PLXDC2: variants seen among roughly 807,000 people sequenced by gnomAD.
PLXDC2 encodes the protein plexin domain-containing protein 2.
In PLXDC2, 40 loss-of-function variants were observed where a neutral mutation model predicts 68.9. The ratio of observed to expected loss-of-function variants is 0.58; its 90% CI spans 0.45 to 0.76. PLXDC2 has a LOEUF of 0.76. Among genes scored for constraint, PLXDC2 ranks in the 30% least tolerant of loss-of-function variants. The probability of loss-of-function intolerance (pLI) is 0.00; values close to 1 mark genes in which losing one functional copy is unlikely to be tolerated. For missense variants in PLXDC2, 644 were observed against 661.9 expected (o/e 0.97, Z 0.30); for synonymous variants, 243 against 234.2 (o/e 1.04, Z -0.34).
At chr10:19,919,482 A>G (rs1833423237) in intron 1 of PLXDC2, among the ~76,000 whole-genome samples, 1 of 152,226 alleles carries the variant, frequency 6.6e-6, no homozygotes, top group Admixed American at 6.5e-5. Context: ...AATAACAGTG[A>G]CTATAATTAA....
chr10:20,165,993 G>C (rs1834369449), intron 7 of PLXDC2, among the ~76,000 whole-genome samples: 1 of 151,888 alleles, frequency 6.6e-6, no homozygotes, highest in African/African-American at 2.4e-5. Flanking sequence ...TAAAGAAAGG[G>C]GAGATAATAA....
intron 13 of PLXDC2, among the ~76,000 whole-genome samples, chr10:20,271,522 C>T (rs1382510343): frequency 6.6e-6 from 1 of 152,124 alleles, no homozygotes; most frequent in East Asian, 1.9e-4. Context: ...GAGTGTGATT[C>T]TTTGACACTG....
chr10:19,962,819 C>T (rs67734661), intron 1 of PLXDC2, among the ~76,000 whole-genome samples: 117,000 of 148,378 alleles, frequency 0.79, 46,948 homozygotes, highest in East Asian at 0.95. Flanking sequence ...ACCCCGTCTC[C>T]ACTAAAAATA....
intron 1 of PLXDC2, among the ~76,000 whole-genome samples, chr10:19,857,973 G>A (rs953904697): frequency 6.6e-6 from 1 of 152,154 alleles, no homozygotes; most frequent in Admixed American, 6.6e-5. Context: ...GGACTTGCCT[G>A]TTGTTTGACT....
chr10:20,236,107 T>G (rs1331581905), intron 12 of PLXDC2, among the ~76,000 whole-genome samples: 2 of 152,206 alleles, frequency 1.3e-5, no homozygotes. Flanking sequence ...CCCTGTGGAT[T>G]CTTTGGTAGA....
At chr10:20,143,566 A>G (rs1195558608) in intron 5 of PLXDC2, 149 bp downstream of exon 5, 1 of 938,912 alleles carries the variant, frequency 1.1e-6, no homozygotes, top group African/African-American at 1.7e-5. Flanking sequence ...TATACTGCTA[A>G]GATTTATAAA....
chr10:20,255,507 A>G (rs55817037), intron 13 of PLXDC2, among the ~76,000 whole-genome samples: 35,398 of 152,038 alleles, frequency 0.23, 4,162 homozygotes, highest in African/African-American at 0.26. Flanking sequence ...ACAAATAATA[A>G]AAACTTTAAT....
chr10:20,086,511 G>A (rs1020728582), intron 4 of PLXDC2, among the ~76,000 whole-genome samples: 1 of 151,712 alleles, frequency 6.6e-6, no homozygotes, highest in Non-Finnish European at 1.5e-5. Flanking sequence ...TGTATTTTTA[G>A]GAAATAAGGG....
intron 13 of PLXDC2, among the ~76,000 whole-genome samples, chr10:20,267,632 C>T (rs1157145297): frequency 6.6e-6 from 1 of 152,004 alleles, no homozygotes; most frequent in African/African-American, 2.4e-5. Context: ...CTTTATTTCC[C>T]ACTCCTACAC....
chr10:19,966,446 A>AAAATAT (rs1241649225), intron 1 of PLXDC2, among the ~76,000 whole-genome samples: 17 of 62,774 alleles, frequency 2.7e-4, no homozygotes, highest in East Asian at 1.1e-3. Flanking sequence ...ATATATATAA[A>AAAATAT]ACATGTGTGT....
intron 1 of PLXDC2, among the ~76,000 whole-genome samples, chr10:19,903,790 C>T (rs1838198878): frequency 6.6e-6 from 1 of 150,668 alleles, no homozygotes; most frequent in Non-Finnish European, 1.5e-5. Flanking sequence ...TCTATTTGTG[C>T]TCTTTCAGAC....
At chr10:20,126,913 A>G (rs1833800445) in intron 4 of PLXDC2, among the ~76,000 whole-genome samples, 1 of 148,044 alleles carries the variant, frequency 6.8e-6, no homozygotes, top group African/African-American at 2.5e-5. Flanking sequence ...ATATATGTAT[A>G]TATTATGTAT....
At chr10:19,884,821 A>G (rs1187270305) in intron 1 of PLXDC2, among the ~76,000 whole-genome samples, 3 of 152,178 alleles carry the variant, frequency 2.0e-5, no homozygotes, top group South Asian at 2.1e-4. Flanking sequence ...ATATGTGTGC[A>G]TGTGTCTTTA....
At chr10:20,155,782 CA>C (rs1834208778) in intron 6 of PLXDC2, among the ~76,000 whole-genome samples, 1 of 152,072 alleles carries the variant, frequency 6.6e-6, no homozygotes, top group Non-Finnish European at 1.5e-5. Flanking sequence ...CTCCCTTGAT[CA>C]TGTTCTGATG....
intron 1 of PLXDC2, among the ~76,000 whole-genome samples, chr10:19,860,981 C>A (rs540846972): frequency 6.6e-6 from 1 of 151,422 alleles, no homozygotes; most frequent in Non-Finnish European, 1.5e-5. Context: ...TTAATTACTG[C>A]AGGACTCTTG....
At chr10:19,841,265 A>C (rs1056745953) in intron 1 of PLXDC2, among the ~76,000 whole-genome samples, 5 of 152,198 alleles carry the variant, frequency 3.3e-5, no homozygotes, top group African/African-American at 9.7e-5. Flanking sequence ...TGATTAAAAA[A>C]TCAGCCCATG....
chr10:20,135,722 A>G (rs960929773), intron 4 of PLXDC2, among the ~76,000 whole-genome samples: 2 of 152,192 alleles, frequency 1.3e-5, no homozygotes, highest in African/African-American at 4.8e-5. Flanking sequence ...TTTGCAGCTG[A>G]TAACAGAGTT....
chr10:20,049,566 C>A (rs368597814), intron 3 of PLXDC2, among the ~76,000 whole-genome samples: 1 of 151,920 alleles, frequency 6.6e-6, no homozygotes, highest in East Asian at 1.9e-4. Context: ...ACACCACCAA[C>A]AGCCACACCA....
At chr10:19,825,676 G>A (rs555199280) in intron 1 of PLXDC2, among the ~76,000 whole-genome samples, 23 of 152,268 alleles carry the variant, frequency 1.5e-4, no homozygotes, top group Middle Eastern at 3.4e-3. Context: ...AGGACAGGCA[G>A]AATTTATCAT....
Sources: gnomAD v4.1 joint callset for allele counts (sites outside exome capture counted in the v4.1 genomes callset) on GRCh38, gnomAD v4.1.1 for gene constraint, MANE v1.5 for transcripts, NCBI Gene and HGNC (gene_info 2026-07-23, HGNC 2026-07-21) for gene names.